Variants in RSRC1 observed in about 807,000 individuals in gnomAD.
The protein encoded by RSRC1 is arginine and serine rich coiled-coil 1, also known as serine/Arginine-related protein 53.
Under a neutral mutation model 49.1 loss-of-function variants are expected in RSRC1, and 39 were observed. That is an observed-to-expected ratio of 0.79 (90% CI 0.61 to 1.04). RSRC1 has a LOEUF of 1.04. Among genes scored for constraint, RSRC1 ranks in the 50% least tolerant of loss-of-function variants. The probability of loss-of-function intolerance (pLI) is 0.00; values close to 1 mark genes in which losing one functional copy is unlikely to be tolerated. For synonymous variants in RSRC1, 143 were observed against 130.8 expected (o/e 1.09, Z -0.63); for missense variants, 388 against 402.4 (o/e 0.96, Z 0.31).
At chr3:158,135,881 C>G (rs1716343127) in intron 3 of RSRC1, among the ~76,000 whole-genome samples, 1 of 152,172 alleles carries the variant, frequency 6.6e-6, no homozygotes, top group Non-Finnish European at 1.5e-5. Flanking sequence ...GTACTTTTCT[C>G]CCACCCATGA....
At chr3:158,504,103 C>T (rs1041081900) in intron 7 of RSRC1, among the ~76,000 whole-genome samples, 2 of 152,150 alleles carry the variant, frequency 1.3e-5, no homozygotes, top group African/African-American at 2.4e-5. Flanking sequence ...TGACTCAGCT[C>T]CAGGTGAGGT....
At chr3:158,179,784 C>A (rs1719471801) in intron 3 of RSRC1, among the ~76,000 whole-genome samples, 1 of 152,120 alleles carries the variant, frequency 6.6e-6, no homozygotes, top group Non-Finnish European at 1.5e-5. Context: ...ATAGTAGTTA[C>A]ATGTTTCATT....
At chr3:158,494,478 T>C (rs770924409) in intron 7 of RSRC1, among the ~76,000 whole-genome samples, 1 of 152,174 alleles carries the variant, frequency 6.6e-6, no homozygotes, top group Non-Finnish European at 1.5e-5. Context: ...ACACTGTACG[T>C]TAGGCTATAC....
intron 3 of RSRC1, among the ~76,000 whole-genome samples, chr3:158,156,085 A>G (rs1337896775): frequency 6.6e-6 from 1 of 152,122 alleles, no homozygotes; most frequent in East Asian, 1.9e-4. Context: ...TGCATTGAAA[A>G]TCTGTTGTTT....
chr3:158,451,962 T>G (rs1007484232), intron 6 of RSRC1, among the ~76,000 whole-genome samples: 1 of 152,096 alleles, frequency 6.6e-6, no homozygotes, highest in African/African-American at 2.4e-5. Context: ...AATGCCATCT[T>G]AAATATATGA....
At chr3:158,543,739 G>T in intron 9 of RSRC1, 4 of 347,908 alleles carry the variant, frequency 1.1e-5, no homozygotes, top group East Asian at 4.6e-5. Context: ...ACAAAGAGAA[G>T]CATTTTTTCC....
intron 5 of RSRC1, among the ~76,000 whole-genome samples, chr3:158,340,363 A>T (rs1168954846): frequency 5.3e-5 from 8 of 152,122 alleles, no homozygotes; most frequent in Admixed American, 5.2e-4. Flanking sequence ...CAATATGGTG[A>T]AACCCTGGCT....
intron 4 of RSRC1, among the ~76,000 whole-genome samples, chr3:158,243,055 AG>A (rs1391988312): frequency 3.3e-5 from 5 of 152,206 alleles, no homozygotes; most frequent in Non-Finnish European, 5.9e-5. Flanking sequence ...TAGTTTTATC[AG>A]ATTCCCTATG....
At chr3:158,327,563 G>C (rs924178907) in intron 5 of RSRC1, among the ~76,000 whole-genome samples, 25 of 152,126 alleles carry the variant, frequency 1.6e-4, no homozygotes, top group African/African-American at 5.8e-4. Context: ...TCTTAATCCT[G>C]AGTTCTAGTT....
At chr3:158,151,749 C>CA (rs1344634822) in intron 3 of RSRC1, among the ~76,000 whole-genome samples, 1 of 151,972 alleles carries the variant, frequency 6.6e-6, no homozygotes, top group Non-Finnish European at 1.5e-5. Flanking sequence ...TTTAGGCATG[C>CA]AAAAAGTTCT....
At chr3:158,335,955 A>G (rs1221853317) in intron 5 of RSRC1, among the ~76,000 whole-genome samples, 2 of 152,162 alleles carry the variant, frequency 1.3e-5, no homozygotes, top group Non-Finnish European at 2.9e-5. Flanking sequence ...TGAGGCCTCT[A>G]GATTAAGTGC....
intron 3 of RSRC1, among the ~76,000 whole-genome samples, chr3:158,202,854 T>C (rs1194946980): frequency 6.6e-6 from 1 of 152,000 alleles, no homozygotes; most frequent in Admixed American, 6.6e-5. Flanking sequence ...TTTAACTGCA[T>C]CATAATTTCC....
intron 3 of RSRC1, among the ~76,000 whole-genome samples, chr3:158,196,882 G>C (rs1188864620): frequency 6.6e-6 from 1 of 152,156 alleles, no homozygotes; most frequent in East Asian, 1.9e-4. Flanking sequence ...GCTTTTTGAT[G>C]CACTGCTGGA....
At chr3:158,476,646 A>G (rs899702955) in intron 7 of RSRC1, among the ~76,000 whole-genome samples, 3 of 152,188 alleles carry the variant, frequency 2.0e-5, no homozygotes, top group Non-Finnish European at 4.4e-5. Flanking sequence ...CCCACTGTTG[A>G]GGCATACTGC....
chr3:158,353,320 A>T (rs1214592757), intron 5 of RSRC1, among the ~76,000 whole-genome samples: 1 of 152,204 alleles, frequency 6.6e-6, no homozygotes, highest in East Asian at 1.9e-4. Context: ...AAATTTTTCT[A>T]AGTCTCTTCA....
chr3:158,214,744 TC>T (rs778157664), intron 4 of RSRC1, among the ~76,000 whole-genome samples: 10 of 151,896 alleles, frequency 6.6e-5, no homozygotes, highest in Non-Finnish European at 1.2e-4. Flanking sequence ...CCTATATCTT[TC>T]TTTTACTGAT....
chr3:158,486,697 C>T (rs773756795), intron 7 of RSRC1, among the ~76,000 whole-genome samples: 6 of 152,064 alleles, frequency 3.9e-5, no homozygotes, highest in African/African-American at 7.2e-5. Flanking sequence ...ATATTAAATG[C>T]CTTTACCAGT....
intron 8 of RSRC1, among the ~76,000 whole-genome samples, chr3:158,542,760 C>T (rs1229428920): frequency 2.6e-5 from 4 of 152,126 alleles, no homozygotes; most frequent in Non-Finnish European, 4.4e-5. Flanking sequence ...AATTGCACAA[C>T]TCCATGGATA....
At chr3:158,320,413 T>C (rs1009771389) in intron 5 of RSRC1, among the ~76,000 whole-genome samples, 8 of 152,202 alleles carry the variant, frequency 5.3e-5, no homozygotes, top group Admixed American at 2.0e-4. Flanking sequence ...TATATGTAAT[T>C]TGACATTGCC....
Sources: allele counts gnomAD v4.1 joint callset (sites outside exome capture counted in the v4.1 genomes callset), GRCh38; gene constraint gnomAD v4.1.1; transcripts MANE v1.5; gene names NCBI Gene and HGNC (gene_info 2026-07-23, HGNC 2026-07-21).